CUL1: variants seen among roughly 807,000 people sequenced by gnomAD.
The protein encoded by CUL1 is cullin 1.
A neutral mutation model predicts 118.0 loss-of-function variants in CUL1; 24 were observed. The observed-to-expected ratio is 0.20, with a 90% confidence interval of 0.15 to 0.29. The LOEUF is 0.29. Ranked by LOEUF, CUL1 falls within the 10% of genes least tolerant of loss-of-function variation. The pLI is 1.00. For missense variants in CUL1, 361 were observed against 933.8 expected, an observed-to-expected ratio of 0.39 and a Z score of 7.99; for synonymous variants, 332 against 340.4, an observed-to-expected ratio of 0.98 and a Z score of 0.27.
chr7:148,726,046 T>TC (rs1798571221), intron 1 of CUL1, among the ~76,000 whole-genome samples: 1 of 152,228 alleles, frequency 6.6e-6, no homozygotes. Context: ...GGCATAAAGT[T>TC]ACCATGCATA....
At chr7:148,698,579 G>A (rs997848605), upstream of CUL1, 2 of 151,992 alleles carry the variant, frequency 1.3e-5, no homozygotes, top group Admixed American at 6.5e-5. Context: ...CTCGGCCGCG[G>A]AAGGGGCGCC....
chr7:148,760,475 A>G lies in CUL1; in HGVS notation c.768A>G (p.Pro256=), dbSNP rs6952366. Reference sequence around the variant, plus strand: ...GTACTGAATTCTTGCAGCAGAACCCAGTTACTGAATATATGAAAAAGGTAA... The same window carrying G: ...GTACTGAATTCTTGCAGCAGAACCCGGTTACTGAATATATGAAAAAGGTAA... ...RESTEFLQQN[P]VTEYMKKAEA... is the part of the protein sequence containing the mutation. Residue 256 remains proline, a synonymous_variant, in exon 7 of 22, where the codon CCA becomes CCG. Coordinates refer to ENST00000325222, the MANE Select transcript of CUL1 (RefSeq NM_003592.3). 2.0e-4 allele frequency: 324 copies of G among 1,609,856 alleles called. 2 individuals carry two copies. The African/African-American group carries it at 4.1e-3, about 20-fold the overall frequency.
At chr7:148,759,385 C>T in intron 5 of CUL1, 31 bp downstream of exon 5, 1 of 1,609,664 alleles carries the variant, frequency 6.2e-7, no homozygotes, top group Non-Finnish European at 8.5e-7. Flanking sequence ...GTGCATGTTC[C>T]TTTTAAAATC....
At chr7:148,706,686 CG>C (rs1797896274) in intron 1 of CUL1, among the ~76,000 whole-genome samples, 1 of 8,050 alleles carries the variant, frequency 1.2e-4, no homozygotes, top group African/African-American at 4.8e-4. Flanking sequence ...GTGGGGGCGG[CG>C]GGGGGCGGGG....
At position 148,799,353 on chromosome 7, in the gene CUL1, T is replaced by G; in HGVS notation, c.2215T>G (p.Ser739Ala). ...QLLGEVLTQL[S>A]SRFKPRVPVI... ...ACTTGGCGAGGTCCTCACTCAGCTG[T>G]CCTCCAGGTTCAAACCTCGAGTCCC... Residue 739 changes from serine (S) to alanine (A), a missense_variant, in exon 21 of 22, where the codon TCC becomes GCC. Ser to Ala is a moderately conservative substitution (Grantham distance 99). This residue lies in a region of CUL1 where 24 missense variants were observed against 126.7 expected (regional missense o/e 0.19). Transcript: ENST00000325222. 1 of 1,613,996 alleles carries G rather than the reference T, an allele frequency of 6.2e-7. No individual in the cohort carries two copies. Among genetic ancestry groups the G allele is most frequent in the Non-Finnish European group, 8.5e-7 (1 of 1,179,868 alleles).
intron 1 of CUL1, among the ~76,000 whole-genome samples, chr7:148,718,840 G>C (rs1161399067): frequency 6.6e-6 from 1 of 152,180 alleles, no homozygotes. Flanking sequence ...GTAACAACAG[G>C]AACCAGGCAA....
At chr7:148,737,151 C>G (rs1798971916) in intron 2 of CUL1, among the ~76,000 whole-genome samples, 1 of 151,164 alleles carries the variant, frequency 6.6e-6, no homozygotes, top group South Asian at 2.1e-4. Context: ...AAAGTAAGAC[C>G]CTGTAGAAAT....
chr7:148,783,110 TA>T (rs1800697601), intron 9 of CUL1, among the ~76,000 whole-genome samples: 1 of 152,180 alleles, frequency 6.6e-6, no homozygotes, highest in Non-Finnish European at 1.5e-5. Context: ...CATTAGCACT[TA>T]GCTCCGTCTC....
chr7:148,780,174 A>G lies in CUL1; in HGVS notation c.1084-3609A>G, dbSNP rs189158368. Among the ~76,000 whole-genome samples, 11 of 152,322 alleles carry G rather than the reference A, an allele frequency of 7.2e-5. No homozygotes were observed. The South Asian group carries it at 1.9e-3, about 26-fold the overall frequency. ...AGGGAACCTTGACTAACACACAAGT[A>G]TACCAGTTAGGTTAGTTAGGTTTGT... On this transcript the variant is annotated intron_variant, in intron 9 of 21. Transcript: ENST00000325222.
At chr7:148,769,289 G>A (rs1305117255) in intron 9 of CUL1, among the ~76,000 whole-genome samples, 2 of 151,960 alleles carry the variant, frequency 1.3e-5, no homozygotes, top group African/African-American at 2.4e-5. Context: ...ACTGCTGCAC[G>A]TTCTTATGAG....
intron 1 of CUL1, among the ~76,000 whole-genome samples, chr7:148,710,664 C>CT (rs113545945): frequency 0.016 from 2,291 of 144,966 alleles, 43 homozygotes; most frequent in African/African-American, 0.047. Context: ...ACATTTTCTC[C>CT]TTTTTTTTTT....
At chr7:148,771,150 A>T (rs1041173401) in intron 9 of CUL1, among the ~76,000 whole-genome samples, 1 of 152,168 alleles carries the variant, frequency 6.6e-6, no homozygotes, top group Non-Finnish European at 1.5e-5. Context: ...AACACTATAT[A>T]TGTTACACTG....
chr7:148,789,853 A>G (rs1800946488), intron 15 of CUL1, 27 bp downstream of exon 15: 1 of 1,601,786 alleles, frequency 6.2e-7, no homozygotes, highest in Admixed American at 1.7e-5. Flanking sequence ...CTGCCATCCC[A>G]TTAGTGCTAA....
intron 2 of CUL1, among the ~76,000 whole-genome samples, chr7:148,732,555 G>A (rs557167470): frequency 1.3e-5 from 2 of 151,516 alleles, no homozygotes; most frequent in African/African-American, 2.4e-5. Context: ...ACCCAGGCTG[G>A]TCTCAAACTT....
chr7:148,757,606 T>C (rs1007054743), intron 4 of CUL1, among the ~76,000 whole-genome samples: 2 of 152,234 alleles, frequency 1.3e-5, no homozygotes, highest in African/African-American at 2.4e-5. Context: ...CTCAGTAATA[T>C]ACGTTTCTTC....
chr7:148,799,218 C>G lies in CUL1; in HGVS notation c.2137-57C>G, dbSNP rs567367913. 1.3e-5 allele frequency: 17 copies of G among 1,337,238 alleles called. No individual in the cohort carries two copies. The African/African-American group carries it at 1.7e-4, about 14-fold the overall frequency. 82.8% of individuals were successfully genotyped at this position (1,337,238 alleles called of 1,614,324 possible). A position where few individuals can be genotyped will look rare whatever the true frequency, so the allele number is the denominator to read the frequency against. ...CTCTGTGCAGCTTGTCCTTAACTAT[C>G]AATACAACGTTGTTACAGCTCTAAA... On this transcript the variant is annotated intron_variant, in intron 20 of 21. Transcript: ENST00000325222.
intron 1 of CUL1, among the ~76,000 whole-genome samples, chr7:148,721,300 C>T (rs1452726461): frequency 6.6e-6 from 1 of 152,192 alleles, no homozygotes; most frequent in Non-Finnish European, 1.5e-5. Flanking sequence ...GCACTTCTTC[C>T]CAAACCCATC....
chr7:148,744,397 AGTGTGTGTGTGTGTGTGT>A (rs56093418), intron 2 of CUL1, among the ~76,000 whole-genome samples: 17,157 of 144,056 alleles, frequency 0.12, 1,126 homozygotes, highest in East Asian at 0.23. Flanking sequence ...TTGTTTCTGC[AGTGTGTGTGTGTGTGTGT>A]GTGTGTGTGT....
chr7:148,706,879 T>G (rs1797902408), intron 1 of CUL1, among the ~76,000 whole-genome samples: 1 of 152,220 alleles, frequency 6.6e-6, no homozygotes, highest in South Asian at 2.1e-4. Context: ...AATATTTGGC[T>G]GTCTGTGTTC....
Sources: gnomAD v4.1 joint callset for allele counts (sites outside exome capture counted in the v4.1 genomes callset) on GRCh38, gnomAD v4.1.1 for gene constraint, gnomAD v4.1.1 regional missense constraint, MANE v1.5 for transcripts, NCBI Gene and HGNC (gene_info 2026-07-23, HGNC 2026-07-21) for gene names.